SLC4A8: variants seen among roughly 807,000 people sequenced by gnomAD.
SLC4A8 encodes the protein electroneutral sodium bicarbonate exchanger 1.
In SLC4A8, 40 loss-of-function variants were observed where a neutral mutation model predicts 125.0. That is an observed-to-expected ratio of 0.32 (90% CI 0.25 to 0.42). SLC4A8 has a LOEUF of 0.42. Among genes scored for constraint, SLC4A8 ranks in the 10% least tolerant of loss-of-function variants. The pLI, the probability that SLC4A8 is intolerant of heterozygous loss-of-function variation, is 1.00. For missense variants in SLC4A8, 863 were observed against 1,355.1 expected, an observed-to-expected ratio of 0.64 and a Z score of 5.70; for synonymous variants, 456 against 476.0, an observed-to-expected ratio of 0.96 and a Z score of 0.55.
rs373424827 is a variant in SLC4A8 at position 51,453,656 on chromosome 12, A to G, written c.531A>G (p.Thr177=). The G allele has an allele frequency of 9.9e-6, 16 of 1,614,102 alleles. No homozygotes were observed. The highest frequency in any genetic ancestry group is 1.2e-5 in the Non-Finnish European group (14 of 1,180,016). ...FELRSCLING[T]VLLDMHANSI... is the part of the protein sequence containing the mutation. The stretch of plus-strand genomic sequence containing the variant: ...TAAGGAGCTGCCTTATTAATGGAAC[A>G]GTCCTCCTGGATATGCATGCAAATA... The change falls in exon 5 of 25, where the codon ACA becomes ACG. Residue 177 remains threonine, a synonymous_variant. Coordinates refer to ENST00000453097, the MANE Select transcript of SLC4A8 (RefSeq NM_001039960.3).
intron 8 of SLC4A8, among the ~76,000 whole-genome samples, chr12:51,460,627 C>T (rs985337139): frequency 2.0e-5 from 3 of 152,208 alleles, no homozygotes; most frequent in African/African-American, 4.8e-5. Flanking sequence ...GGGAACGTCT[C>T]TGAATAAAGG....
chr12:51,482,107 C>T (rs1334372884), intron 16 of SLC4A8, among the ~76,000 whole-genome samples: 1 of 152,100 alleles, frequency 6.6e-6, no homozygotes, highest in East Asian at 1.9e-4. Context: ...TGTGGATAGT[C>T]AATAGCTACA....
At chr12:51,489,462 C>G (rs1312899458) in intron 18 of SLC4A8, among the ~76,000 whole-genome samples, 1 of 152,174 alleles carries the variant, frequency 6.6e-6, no homozygotes, top group Non-Finnish European at 1.5e-5. Flanking sequence ...TCAGAGTCAG[C>G]TGGAGGCACT....
chr12:51,471,667 A>G, intron 14 of SLC4A8, 135 bp downstream of exon 14: 1 of 972,794 alleles, frequency 1.0e-6, no homozygotes, highest in Non-Finnish European at 1.5e-6. Context: ...TCTCAGATAC[A>G]GACAAGGAGT....
At chr12:51,419,797 T>C (rs555576304) in intron 1 of SLC4A8, among the ~76,000 whole-genome samples, 2 of 152,350 alleles carry the variant, frequency 1.3e-5, no homozygotes, top group African/African-American at 4.8e-5. Context: ...CCCCAGAGCC[T>C]CTCTCAGTTT....
chr12:51,447,066 C>CTATCTATCTA (rs1949795184), intron 2 of SLC4A8, among the ~76,000 whole-genome samples: 1 of 151,446 alleles, frequency 6.6e-6, no homozygotes, highest in Non-Finnish European at 1.5e-5. Context: ...GTCTATCTAT[C>CTATCTATCTA]TGTCTATCTA....
At chr12:51,429,339 C>T (rs1949110351) in intron 1 of SLC4A8, among the ~76,000 whole-genome samples, 1 of 152,176 alleles carries the variant, frequency 6.6e-6, no homozygotes, top group South Asian at 2.1e-4. Flanking sequence ...TTGCCTATAA[C>T]AGTACCTGTC....
intron 2 of SLC4A8, among the ~76,000 whole-genome samples, chr12:51,445,706 CCTT>C (rs781310962): frequency 1.3e-5 from 2 of 152,144 alleles, no homozygotes; most frequent in African/African-American, 2.4e-5. Flanking sequence ...CATGGCCTCT[CCTT>C]CTTATCACTT....
intron 16 of SLC4A8, among the ~76,000 whole-genome samples, chr12:51,485,052 G>T (rs1384053023): frequency 6.6e-6 from 1 of 152,136 alleles, no homozygotes; most frequent in African/African-American, 2.4e-5. Context: ...AACGCAGTCT[G>T]TGTGTTTGGA....
chr12:51,466,038 C>T (rs995110787), intron 11 of SLC4A8, among the ~76,000 whole-genome samples: 11 of 152,050 alleles, frequency 7.2e-5, no homozygotes, highest in Non-Finnish European at 1.3e-4. Flanking sequence ...TAACATCTTA[C>T]GGAATGTTAT....
At chr12:51,486,462 TG>T (rs1951163526) in intron 17 of SLC4A8, among the ~76,000 whole-genome samples, 2 of 152,238 alleles carry the variant, frequency 1.3e-5, no homozygotes, top group African/African-American at 4.8e-5. Context: ...TTTCATTGTT[TG>T]TATAACTCTC....
At chr12:51,463,836 C>A in intron 11 of SLC4A8, 122 bp downstream of exon 11, 1 of 641,154 alleles carries the variant, frequency 1.6e-6, no homozygotes, top group Non-Finnish European at 2.8e-6. Context: ...TGAAGAATGA[C>A]TTTTCAAATG....
chr12:51,471,849 G>A (rs769730903), intron 14 of SLC4A8, among the ~76,000 whole-genome samples: 1 of 152,224 alleles, frequency 6.6e-6, no homozygotes, highest in African/African-American at 2.4e-5. Flanking sequence ...TAGTTATGGG[G>A]AGGAACTTCT....
At chr12:51,457,695 C>T (rs904978577) in intron 6 of SLC4A8, among the ~76,000 whole-genome samples, 156 bp downstream of exon 6, 2 of 152,084 alleles carry the variant, frequency 1.3e-5, no homozygotes, top group African/African-American at 4.8e-5. Flanking sequence ...AGATTGGTGG[C>T]TGGGACTGGT....
chr12:51,459,409 G>A (rs988940975), intron 7 of SLC4A8, among the ~76,000 whole-genome samples: 1 of 151,960 alleles, frequency 6.6e-6, no homozygotes, highest in Admixed American at 6.6e-5. Context: ...CTGTGGTCCC[G>A]GGCAAGTCAA....
At chr12:51,402,382 G>A (rs779783027) in intron 1 of SLC4A8, among the ~76,000 whole-genome samples, 4 of 152,128 alleles carry the variant, frequency 2.6e-5, no homozygotes, top group Admixed American at 6.5e-5. Context: ...GTGTTATCCT[G>A]TCCTGGCATT....
intron 1 of SLC4A8, among the ~76,000 whole-genome samples, chr12:51,427,713 T>C (rs146540800): frequency 6.2e-4 from 95 of 152,294 alleles, no homozygotes; most frequent in African/African-American, 2.3e-3. Context: ...ATTGTGTAAC[T>C]TGATGTAAAC....
chr12:51,435,585 G>T (rs976965351), intron 1 of SLC4A8, among the ~76,000 whole-genome samples: 1 of 151,958 alleles, frequency 6.6e-6, no homozygotes, highest in Non-Finnish European at 1.5e-5. Context: ...TAGTGAGACC[G>T]CCCGCCCCAA....
At chr12:51,470,675 G>T in intron 13 of SLC4A8, 150 bp downstream of exon 13, 1 of 690,478 alleles carries the variant, frequency 1.4e-6, no homozygotes, top group South Asian at 2.0e-5. Context: ...CTGTTGTCCT[G>T]CCCCCGGGTA....
Sources: allele counts gnomAD v4.1 joint callset (sites outside exome capture counted in the v4.1 genomes callset), GRCh38; gene constraint gnomAD v4.1.1; transcripts MANE v1.5; gene names NCBI Gene and HGNC (gene_info 2026-07-23, HGNC 2026-07-21).